Variants in FSIP1 observed in about 807,000 individuals in gnomAD.
The protein encoded by FSIP1 is fibrous sheath-interacting protein 1.
FSIP1 carries 65 observed loss-of-function variants against 60.9 expected under a neutral mutation model. The observed-to-expected ratio is 1.07, with a 90% CI of 0.87 to 1.31. The LOEUF (loss-of-function observed/expected upper bound fraction) is 1.31, where lower values mean the gene tolerates loss of function less well. FSIP1 is among the 40% of genes most tolerant of loss of function. FSIP1 has a pLI of 0.00. For missense variants in FSIP1, 675 were observed against 665.5 expected (o/e 1.01, Z -0.16); for synonymous variants, 209 against 221.2 (o/e 0.94, Z 0.49).
intron 5 of FSIP1, among the ~76,000 whole-genome samples, chr15:39,742,865 T>C (rs1274648909): frequency 1.3e-5 from 2 of 152,242 alleles, no homozygotes; most frequent in Admixed American, 6.5e-5. Context: ...TTAGTCTTTG[T>C]ACAATCTTTG....
At chr15:39,666,867 T>C (rs776086345) in intron 10 of FSIP1, among the ~76,000 whole-genome samples, 5 of 152,224 alleles carry the variant, frequency 3.3e-5, no homozygotes, top group Non-Finnish European at 7.3e-5. Flanking sequence ...TAAAAATAGA[T>C]GTCCATTTTA....
rs576217187 is a variant in FSIP1 at position 39,741,410 on chromosome 15, TG to T, written c.655+394del. Among the ~76,000 whole-genome samples the T allele has an allele frequency of 2.2e-3, 342 of 152,364 alleles. 1 individual carries two copies. Among genetic ancestry groups the T allele is most frequent in the Non-Finnish European group, 4.2e-3 (289 of 68,036 alleles). Reference sequence around the variant, plus strand: ...GCCAGGGGTAGGCCCCTGACCCAGCTGGATCACTCAGGCTCTTCTCTAGGAT... The same window carrying T: ...GCCAGGGGTAGGCCCCTGACCCAGCTGATCACTCAGGCTCTTCTCTAGGAT... On this transcript the variant is annotated intron_variant, in intron 6 of 11. Transcript: ENST00000350221.
intron 10 of FSIP1, among the ~76,000 whole-genome samples, chr15:39,665,684 A>T (rs1403133664): frequency 6.6e-6 from 1 of 152,188 alleles, no homozygotes. Context: ...GATTTTTATT[A>T]TTATGGAAGT....
chr15:39,644,375 C>T (rs1449484962), intron 10 of FSIP1, among the ~76,000 whole-genome samples: 3 of 152,140 alleles, frequency 2.0e-5, no homozygotes, highest in African/African-American at 4.8e-5. Context: ...GAAGACCTTT[C>T]GTTTCCCGGG....
intron 10 of FSIP1, among the ~76,000 whole-genome samples, chr15:39,662,938 T>C (rs150699950): frequency 6.6e-6 from 1 of 152,274 alleles, no homozygotes; most frequent in East Asian, 1.9e-4. Flanking sequence ...TTCTATGCAT[T>C]TTCTCACTGG....
At chr15:39,689,916 AT>A (rs1894528278) in intron 10 of FSIP1, among the ~76,000 whole-genome samples, 1 of 152,204 alleles carries the variant, frequency 6.6e-6, no homozygotes, top group Admixed American at 6.5e-5. Flanking sequence ...CATACTGAAA[AT>A]CACTCATTCA....
At chr15:39,711,630 A>G (rs1201925861) in intron 10 of FSIP1, among the ~76,000 whole-genome samples, 1 of 151,222 alleles carries the variant, frequency 6.6e-6, no homozygotes, top group Admixed American at 6.6e-5. Flanking sequence ...TTACCACTAC[A>G]ATGACTGGCC....
At chr15:39,655,898 T>G (rs939893582) in intron 10 of FSIP1, among the ~76,000 whole-genome samples, 5 of 152,142 alleles carry the variant, frequency 3.3e-5, no homozygotes. Flanking sequence ...ACCATTTCTG[T>G]TGCATACAGA....
At chr15:39,618,285 G>A (rs1891315084) in intron 10 of FSIP1, 40 bp from the exon 11 acceptor site, 2 of 1,509,258 alleles carry the variant, frequency 1.3e-6, no homozygotes, top group African/African-American at 2.8e-5. Flanking sequence ...TCAGTTGACT[G>A]AGTAAACACA....
intron 1 of FSIP1, among the ~76,000 whole-genome samples, chr15:39,777,508 AC>A (rs914193338): frequency 2.0e-5 from 3 of 152,202 alleles, no homozygotes; most frequent in African/African-American, 7.2e-5. Flanking sequence ...GCTTCTCACC[AC>A]CCTGGCTGCT....
At chr15:39,721,491 T>C (rs1895977835) in intron 9 of FSIP1, among the ~76,000 whole-genome samples, 1 of 152,260 alleles carries the variant, frequency 6.6e-6, no homozygotes, top group Admixed American at 6.5e-5. Flanking sequence ...ACTCCACAAC[T>C]TGTTCTATTG....
chr15:39,603,623 G>A (rs1306670705), intron 11 of FSIP1, among the ~76,000 whole-genome samples: 1 of 152,216 alleles, frequency 6.6e-6, no homozygotes, highest in Non-Finnish European at 1.5e-5. Flanking sequence ...GGGTCCCAGG[G>A]CATGCTTGCT....
intron 10 of FSIP1, among the ~76,000 whole-genome samples, chr15:39,705,758 G>A: frequency 6.6e-6 from 1 of 152,004 alleles, no homozygotes; most frequent in Non-Finnish European, 1.5e-5. Context: ...AGCACTTTGG[G>A]AGGCCAAGGC....
At chr15:39,649,618 C>T (rs1219364418) in intron 10 of FSIP1, among the ~76,000 whole-genome samples, 1 of 152,192 alleles carries the variant, frequency 6.6e-6, no homozygotes, top group Non-Finnish European at 1.5e-5. Flanking sequence ...CCTTGCTCTT[C>T]ACTGTACTTT....
At chr15:39,698,831 C>T (rs541271004) in intron 10 of FSIP1, among the ~76,000 whole-genome samples, 41 of 152,314 alleles carry the variant, frequency 2.7e-4, no homozygotes, top group Middle Eastern at 3.4e-3. Context: ...CATTTTATAC[C>T]TGCCCAAAAG....
chr15:39,683,910 T>G (rs988797827), intron 10 of FSIP1, among the ~76,000 whole-genome samples: 1 of 152,198 alleles, frequency 6.6e-6, no homozygotes, highest in Admixed American at 6.5e-5. Flanking sequence ...ATGCTGAAGA[T>G]GACAAAATGC....
chr15:39,677,595 C>T (rs1893991683), intron 10 of FSIP1, among the ~76,000 whole-genome samples: 2 of 152,118 alleles, frequency 1.3e-5, no homozygotes, highest in African/African-American at 2.4e-5. Flanking sequence ...GACACAAAGA[C>T]ACATATACAG....
At chr15:39,630,458 C>A (rs1891834738) in intron 10 of FSIP1, among the ~76,000 whole-genome samples, 1 of 152,226 alleles carries the variant, frequency 6.6e-6, no homozygotes, top group Non-Finnish European at 1.5e-5. Flanking sequence ...CACCTCCCTC[C>A]CTGTCAGCGG....
intron 4 of FSIP1, 101 bp downstream of exon 4, chr15:39,765,491 G>A: frequency 1.3e-6 from 1 of 794,420 alleles, no homozygotes; most frequent in East Asian, 2.9e-5. Context: ...CAATCCTCCT[G>A]CCTCAGCCTC....
Sources: gnomAD v4.1 joint callset for allele counts (sites outside exome capture counted in the v4.1 genomes callset) on GRCh38, gnomAD v4.1.1 for gene constraint, MANE v1.5 for transcripts, NCBI Gene and HGNC (gene_info 2026-07-23, HGNC 2026-07-21) for gene names.